The following NAA11 variants were observed in gnomAD, a reference collection of about 807,000 sequenced individuals.
The protein encoded by NAA11 is N-alpha-acetyltransferase 11, NatA catalytic subunit.
A neutral mutation model predicts 16.1 loss-of-function variants in NAA11; 15 were observed. The observed-to-expected ratio is 0.93, with a 90% CI of 0.62 to 1.44. The LOEUF (loss-of-function observed/expected upper bound fraction) is 1.44. Ranked by LOEUF, NAA11 falls within the 40% of genes most tolerant of loss-of-function variation. NAA11 has a pLI of 0.00. For missense variants in NAA11, 298 were observed against 291.3 expected, an observed-to-expected ratio of 1.02 and a Z score of -0.17; for synonymous variants, 122 against 112.4, an observed-to-expected ratio of 1.09 and a Z score of -0.54.
At chr4:79,179,629 G>C in the NAA11 span, among the ~76,000 whole-genome samples, 3 of 152,148 alleles carry the variant, frequency 2.0e-5, no homozygotes, top group Non-Finnish European at 4.4e-5. Flanking sequence ...AGAGCATATG[G>C]AGGATGTCAT....
rs202019111 is a variant in NAA11, at chr4:79,325,918, C to A, written c.-41G>T. ...GGAACCGGTTGGACTGCAGTGAACCCAGAAGAGGCTGTCGCCGACCTTAAG... is the reference window on the plus strand; with the variant it reads ...GGAACCGGTTGGACTGCAGTGAACCAAGAAGAGGCTGTCGCCGACCTTAAG... On this transcript the variant is annotated 5_prime_UTR_variant, in exon 1 of 2. Transcript: ENST00000286794. 2 of 1,553,442 alleles carry A rather than the reference C, an allele frequency of 1.3e-6. No individual in the cohort carries two copies. Among genetic ancestry groups the A allele is most frequent in the East Asian group, 4.5e-5 (2 of 44,434 alleles).
At chr4:79,221,746 G>A (rs909637374), downstream of NAA11, among the ~76,000 whole-genome samples, 599 of 132,672 alleles carry the variant, frequency 4.5e-3, 13 homozygotes, top group African/African-American at 0.015. Flanking sequence ...TAGTGGATAA[G>A]CTTTTTGATG....
At chr4:79,228,294 A>T (rs1026242068) in intron 2 of NAA11, among the ~76,000 whole-genome samples, 13 of 152,014 alleles carry the variant, frequency 8.6e-5, no homozygotes, top group Non-Finnish European at 1.5e-4. Flanking sequence ...GCTACCATAC[A>T]ACTCTGACCA....
the NAA11 span, among the ~76,000 whole-genome samples, chr4:79,215,793 A>G: frequency 2.6e-5 from 4 of 152,234 alleles, no homozygotes; most frequent in Admixed American, 1.3e-4. Flanking sequence ...AATGAGGATA[A>G]TAGTAGTTCT....
At chr4:79,249,464 A>G (rs898267086) in intron 2 of NAA11, among the ~76,000 whole-genome samples, 1 of 152,246 alleles carries the variant, frequency 6.6e-6, no homozygotes, top group Non-Finnish European at 1.5e-5. Context: ...AGAATTTCAG[A>G]ATACAATTGC....
At chr4:79,208,093 A>G in the NAA11 span, among the ~76,000 whole-genome samples, 1 of 152,174 alleles carries the variant, frequency 6.6e-6, no homozygotes, top group Non-Finnish European at 1.5e-5. Context: ...GTCTTTAAGT[A>G]CATTTTCGCA....
chr4:79,216,433 T>C, the NAA11 span, among the ~76,000 whole-genome samples: 1 of 152,098 alleles, frequency 6.6e-6, no homozygotes, highest in African/African-American at 2.4e-5. Context: ...GAAAGATTTC[T>C]TTTTGGTGGG....
chr4:79,227,597 A>G (rs1405844765), intron 2 of NAA11: 1 of 152,042 alleles, frequency 6.6e-6, no homozygotes, highest in Admixed American at 6.6e-5. Context: ...TGATGGTTTC[A>G]CTTTGGTTAC....
the NAA11 span, among the ~76,000 whole-genome samples, chr4:79,183,480 T>C: frequency 6.6e-6 from 1 of 152,132 alleles, no homozygotes; most frequent in South Asian, 2.1e-4. Flanking sequence ...CACTAATGTC[T>C]TGGGAATATT....
the NAA11 span, among the ~76,000 whole-genome samples, chr4:79,210,279 T>A: frequency 6.6e-6 from 1 of 151,968 alleles, no homozygotes; most frequent in Admixed American, 6.6e-5. Context: ...TGTCACAAGG[T>A]ACATTATCAC....
At chr4:79,294,899 C>T (rs1723174620) in intron 1 of NAA11, among the ~76,000 whole-genome samples, 1 of 152,096 alleles carries the variant, frequency 6.6e-6, no homozygotes, top group Admixed American at 6.6e-5. Context: ...ATAATTTACG[C>T]CTATAGTTCA....
chr4:79,283,057 GA>G, intron 2 of NAA11, among the ~76,000 whole-genome samples: 1 of 152,088 alleles, frequency 6.6e-6, no homozygotes, highest in East Asian at 1.9e-4. Flanking sequence ...CTAAATATAA[GA>G]GCAAAAGTGT....
intron 2 of NAA11, among the ~76,000 whole-genome samples, chr4:79,251,493 A>T (rs1034107323): frequency 6.6e-6 from 1 of 152,184 alleles, no homozygotes; most frequent in Non-Finnish European, 1.5e-5. Flanking sequence ...GGTTGAGAGG[A>T]GGAAGAAGAT....
the NAA11 span, among the ~76,000 whole-genome samples, chr4:79,200,257 A>G: frequency 6.6e-6 from 1 of 151,768 alleles, no homozygotes; most frequent in African/African-American, 2.4e-5. Flanking sequence ...AAGTTAATAT[A>G]CCTAAAAAAC....
chr4:79,194,294 G>T, the NAA11 span, among the ~76,000 whole-genome samples: 2 of 152,026 alleles, frequency 1.3e-5, no homozygotes, highest in Non-Finnish European at 2.9e-5. Context: ...TTATTCCTTT[G>T]CATGAGCATG....
In NAA11 at chr4:79,325,951, G is replaced by A. The variant is rs1354924778; in HGVS notation, c.-74C>T. The A allele has an allele frequency of 5.1e-6, 7 of 1,360,164 alleles. No homozygotes were observed. The highest frequency in any genetic ancestry group is 4.2e-5 in the South Asian group (3 of 70,886). The allele number at this position is 1,360,164 out of a possible 1,614,324, so 84.3% of individuals were successfully genotyped here. On this transcript the variant is annotated 5_prime_UTR_variant, in exon 1 of 2. Transcript: ENST00000286794. ...GCTGTCGCCGACCTTAAGGGGCACT[G>A]TTTGCCTCAGGAATCGAGTCCAGGG... is the stretch of plus-strand genomic sequence containing the variant.
intron 2 of NAA11, among the ~76,000 whole-genome samples, chr4:79,235,405 T>A (rs1301951228): frequency 2.0e-5 from 3 of 151,906 alleles, no homozygotes; most frequent in African/African-American, 7.3e-5. Flanking sequence ...GAAAAAAAAA[T>A]TCAGAATCCA....
chr4:79,172,541 A>C, the NAA11 span, among the ~76,000 whole-genome samples: 1 of 152,088 alleles, frequency 6.6e-6, no homozygotes, highest in South Asian at 2.1e-4. Context: ...AGTTTTATTT[A>C]AACATATGAT....
At chr4:79,221,284 T>TG (rs1721183276), downstream of NAA11, among the ~76,000 whole-genome samples, 2 of 151,800 alleles carry the variant, frequency 1.3e-5, no homozygotes, top group Admixed American at 1.3e-4. Flanking sequence ...GCTGAGACAG[T>TG]GGGGTTTTCT....
Sources: allele counts gnomAD v4.1 joint callset (sites outside exome capture counted in the v4.1 genomes callset), GRCh38; gene constraint gnomAD v4.1.1; transcripts MANE v1.5; gene names NCBI Gene and HGNC (gene_info 2026-07-23, HGNC 2026-07-21).